XRCC4: variants seen among roughly 807,000 people sequenced by gnomAD.
XRCC4 encodes DNA repair protein XRCC4.
In XRCC4, 28 loss-of-function variants were observed where a neutral mutation model predicts 39.1. That is an observed-to-expected ratio of 0.72 (90% CI 0.53 to 0.98). The LOEUF is 0.98. XRCC4 is among the 50% of genes least tolerant of loss of function. XRCC4 has a pLI of 0.00. For synonymous variants in XRCC4, 123 were observed against 126.4 expected, an observed-to-expected ratio of 0.97 and a Z score of 0.18; for missense variants, 350 against 376.4, an observed-to-expected ratio of 0.93 and a Z score of 0.58.
At chr5:83,332,285 A>G (rs971837878) in intron 7 of XRCC4, among the ~76,000 whole-genome samples, 5 of 151,974 alleles carry the variant, frequency 3.3e-5, no homozygotes, top group Admixed American at 3.3e-4. Context: ...AGAGAGAGAG[A>G]GAAATGGACC....
intron 7 of XRCC4, chr5:83,280,675 A>C: frequency 7.7e-6 from 2 of 258,272 alleles, no homozygotes; most frequent in East Asian, 1.4e-4. Flanking sequence ...TTTATAAGAC[A>C]TGAATCCATT....
chr5:83,227,134 G>A (rs929207683), intron 6 of XRCC4, among the ~76,000 whole-genome samples: 8 of 151,778 alleles, frequency 5.3e-5, no homozygotes, highest in African/African-American at 1.7e-4. Context: ...CTTAGTTTTT[G>A]TTCTTTACCC....
chr5:83,118,000 A>G (rs1459163259), intron 3 of XRCC4, among the ~76,000 whole-genome samples: 4 of 151,450 alleles, frequency 2.6e-5, no homozygotes, highest in African/African-American at 9.7e-5. Flanking sequence ...AAGAAAAATT[A>G]AACATGATTT....
At chr5:83,181,847 T>G (rs28360106) in intron 3 of XRCC4, among the ~76,000 whole-genome samples, 1,866 of 152,192 alleles carry the variant, frequency 0.012, 45 homozygotes, top group African/African-American at 0.043. Context: ...TGGCTGTTGG[T>G]GCTTAGTCAG....
At chr5:83,362,563 A>G in the XRCC4 span, among the ~76,000 whole-genome samples, 1 of 152,176 alleles carries the variant, frequency 6.6e-6, no homozygotes, top group Non-Finnish European at 1.5e-5. Context: ...TTTGAGTAAA[A>G]GAAGAAAAAA....
At chr5:83,115,476 G>A (rs897452446) in intron 3 of XRCC4, among the ~76,000 whole-genome samples, 15 of 152,050 alleles carry the variant, frequency 9.9e-5, no homozygotes, top group African/African-American at 2.9e-4. Context: ...GATTTGGGTG[G>A]GGACACAGCC....
chr5:83,207,342 T>C (rs74331482), intron 6 of XRCC4, among the ~76,000 whole-genome samples: 7,913 of 71,980 alleles, frequency 0.11, 687 homozygotes, highest in African/African-American at 0.27. Flanking sequence ...TATTTTCAAT[T>C]TGGCAAAATT....
chr5:83,198,532 A>G (rs182815988), intron 4 of XRCC4, among the ~76,000 whole-genome samples: 26 of 152,306 alleles, frequency 1.7e-4, no homozygotes, highest in Admixed American at 1.1e-3. Flanking sequence ...ATCTGGAAGA[A>G]GAAAATTAAA....
chr5:83,132,589 C>CT (rs1214544102), intron 3 of XRCC4, among the ~76,000 whole-genome samples: 1 of 152,014 alleles, frequency 6.6e-6, no homozygotes, highest in Non-Finnish European at 1.5e-5. Flanking sequence ...TCTTTTTACT[C>CT]TTTTTTCTCT....
chr5:83,193,905 G>T (rs1380614972), intron 3 of XRCC4, among the ~76,000 whole-genome samples: 1 of 151,924 alleles, frequency 6.6e-6, no homozygotes, highest in Non-Finnish European at 1.5e-5. Context: ...TATTCTGTAG[G>T]TGACTTTTTT....
At position 83,248,900 on chromosome 5, in the gene XRCC4, G is replaced by GA. The variant is rs1443074011; in HGVS notation, c.746-9626dup. Among the ~76,000 whole-genome samples the GA allele has an allele frequency of 3.9e-5, 6 of 152,208 alleles. No individual in the cohort carries two copies. The South Asian group carries it at 1.2e-3, about 31-fold the overall frequency. ...GTAACATGAAGTGGTACAACATAAA[G>GA]AAAACATGTGGATGTTTGGAAATGA... On this transcript the variant is annotated intron_variant, in intron 6 of 7. Coordinates refer to ENST00000396027, the MANE Select transcript of XRCC4 (RefSeq NM_003401.5).
At position 83,312,377 on chromosome 5, in the gene XRCC4, G is replaced by A. The variant is rs140861111; in HGVS notation, c.894-40754G>A. On this transcript the variant is annotated intron_variant, in intron 7 of 7. Transcript: ENST00000396027. ...GTTTGAGGTTATTAGACCACTCTAG[G>A]CACTATCATTCCCTATGTTTTTATA... Among the ~76,000 whole-genome samples, 23 of 152,228 alleles carry A rather than the reference G, an allele frequency of 1.5e-4. No individual in the cohort carries two copies. In the East Asian group the frequency reaches 4.4e-3, roughly 29 times the overall value.
At chr5:83,328,297 T>C (rs1223041585) in intron 7 of XRCC4, among the ~76,000 whole-genome samples, 4 of 152,090 alleles carry the variant, frequency 2.6e-5, no homozygotes, top group Middle Eastern at 3.2e-3. Flanking sequence ...ACAATTCAAG[T>C]TGAGATTTGG....
intron 7 of XRCC4, among the ~76,000 whole-genome samples, chr5:83,314,415 T>C (rs1481618166): frequency 3.3e-5 from 5 of 152,182 alleles, no homozygotes; most frequent in African/African-American, 1.2e-4. Flanking sequence ...TGGAAAGAAA[T>C]AGTAATGACT....
intron 7 of XRCC4, among the ~76,000 whole-genome samples, chr5:83,326,031 T>C (rs113993759): frequency 0.018 from 2,762 of 152,240 alleles, 61 homozygotes; most frequent in African/African-American, 0.061. Context: ...CATATGTTAG[T>C]TGGCTGCACT....
chr5:83,137,201 G>A (rs7710900), intron 3 of XRCC4, among the ~76,000 whole-genome samples: 73,663 of 151,970 alleles, frequency 0.48, 18,813 homozygotes, highest in African/African-American at 0.63. Context: ...ATGATGGCAC[G>A]TAATTATATA....
chr5:83,323,815 G>A (rs559079716), intron 7 of XRCC4, among the ~76,000 whole-genome samples: 5 of 152,138 alleles, frequency 3.3e-5, no homozygotes, highest in South Asian at 4.1e-4. Flanking sequence ...ACTATTTGAG[G>A]AAGAGAGAAT....
At chr5:83,161,996 T>A (rs13180502) in intron 3 of XRCC4, among the ~76,000 whole-genome samples, 1 of 151,964 alleles carries the variant, frequency 6.6e-6, no homozygotes, top group Non-Finnish European at 1.5e-5. Context: ...AAACCCCGTC[T>A]CTACTAAAAA....
intron 7 of XRCC4, among the ~76,000 whole-genome samples, chr5:83,324,487 A>G (rs914243762): frequency 1.3e-5 from 2 of 152,172 alleles, no homozygotes; most frequent in African/African-American, 2.4e-5. Flanking sequence ...CTTTGTCAAT[A>G]TCCTTATCCT....
Sources: gnomAD v4.1 joint callset for allele counts (sites outside exome capture counted in the v4.1 genomes callset) on GRCh38, gnomAD v4.1.1 for gene constraint, MANE v1.5 for transcripts, NCBI Gene and HGNC (gene_info 2026-07-23, HGNC 2026-07-21) for gene names.